The following PDE10A variants were observed in gnomAD, a reference collection of about 807,000 sequenced individuals.
The protein encoded by PDE10A is phosphodiesterase 10A, also known as cAMP and cAMP-inhibited cGMP 3',5'-cyclic phosphodiesterase 10A.
In PDE10A, 39 loss-of-function variants were observed where a neutral mutation model predicts 97.7. The observed-to-expected ratio is 0.40, with a 90% CI of 0.31 to 0.52. The LOEUF is 0.52. PDE10A is among the 20% of genes least tolerant of loss of function. PDE10A has a pLI of 0.56. For synonymous variants in PDE10A, 371 were observed against 376.8 expected (o/e 0.98, Z 0.18); for missense variants, 731 against 1,047.8 (o/e 0.70, Z 4.17).
intron 1 of PDE10A, among the ~76,000 whole-genome samples, chr6:165,767,753 C>A (rs534522552): frequency 3.9e-4 from 59 of 152,286 alleles, no homozygotes; most frequent in African/African-American, 1.3e-3. Context: ...ACATTCAAAT[C>A]CTCGTGTCTG....
intron 1 of PDE10A, among the ~76,000 whole-genome samples, chr6:165,654,064 T>A (rs996159898): frequency 1.3e-5 from 2 of 152,174 alleles, no homozygotes; most frequent in African/African-American, 2.4e-5. Flanking sequence ...ACTCTACTGG[T>A]CAACTTGCAT....
intron 1 of PDE10A, among the ~76,000 whole-genome samples, chr6:165,725,179 C>T (rs1792261455): frequency 6.6e-6 from 1 of 152,194 alleles, no homozygotes. Context: ...CTCAATAAAA[C>T]CTCACACTCA....
chr6:165,623,621 G>C (rs112517824), intron 1 of PDE10A, among the ~76,000 whole-genome samples: 20 of 152,160 alleles, frequency 1.3e-4, no homozygotes, highest in Admixed American at 3.9e-4. Flanking sequence ...CTTACTTCAG[G>C]AAAGCAGGCT....
chr6:165,896,650 G>A (rs541333803), intron 1 of PDE10A, among the ~76,000 whole-genome samples: 12 of 149,482 alleles, frequency 8.0e-5, no homozygotes, highest in South Asian at 2.1e-4. Context: ...TCAGCCTCCC[G>A]AGTAGCTGAG....
At chr6:165,647,421 G>A (rs1349376640) in intron 1 of PDE10A, among the ~76,000 whole-genome samples, 1 of 152,174 alleles carries the variant, frequency 6.6e-6, no homozygotes, top group African/African-American at 2.4e-5. Flanking sequence ...AGAGGGCAGA[G>A]GTGAATTCTT....
At position 165,751,865 on chromosome 6, in the gene PDE10A, C is replaced by T. The variant is rs188872308; in HGVS notation, c.-614-208297G>A. 3.1e-4 allele frequency among the ~76,000 whole-genome samples: 47 copies of T among 152,138 alleles called. No individual in the cohort carries two copies. The East Asian group carries it at 6.2e-3, about 20-fold the overall frequency. ...ATTGAAAGTGAGTAAATGGGCCAGG[C>T]ACGGTGGCTCATGCCTGTAATCCCA... On this transcript the variant is annotated intron_variant, in intron 1 of 19. Transcript: ENST00000366882.
At chr6:165,335,349 A>G (rs1344245293) in intron 21 of PDE10A, among the ~76,000 whole-genome samples, 1 of 152,180 alleles carries the variant, frequency 6.6e-6, no homozygotes, top group Non-Finnish European at 1.5e-5. Context: ...CTGCACAGGC[A>G]TCCTCAATAG....
chr6:165,426,328 C>T (rs1444196646), intron 10 of PDE10A, among the ~76,000 whole-genome samples: 2 of 152,224 alleles, frequency 1.3e-5, no homozygotes, highest in Admixed American at 6.5e-5. Context: ...ACTGGCATTA[C>T]CACAGACATA....
At chr6:165,710,048 A>G (rs1312537569) in intron 1 of PDE10A, among the ~76,000 whole-genome samples, 1 of 152,006 alleles carries the variant, frequency 6.6e-6, no homozygotes, top group African/African-American at 2.4e-5. Flanking sequence ...ATACCAACTC[A>G]GACCTGCCTC....
At chr6:165,617,964 T>A (rs2128405155) in intron 1 of PDE10A, among the ~76,000 whole-genome samples, 1 of 152,224 alleles carries the variant, frequency 6.6e-6, no homozygotes, top group South Asian at 2.1e-4. Context: ...AGTGGTTCAC[T>A]CCTGTAATCC....
chr6:165,751,478 C>T (rs1792999465), intron 1 of PDE10A, among the ~76,000 whole-genome samples: 1 of 152,162 alleles, frequency 6.6e-6, no homozygotes, highest in Non-Finnish European at 1.5e-5. Flanking sequence ...TCACATGCCT[C>T]CTCTCCCCTT....
intron 1 of PDE10A, among the ~76,000 whole-genome samples, chr6:165,771,334 C>T (rs1778003508): frequency 6.6e-6 from 1 of 152,138 alleles, no homozygotes; most frequent in Admixed American, 6.5e-5. Flanking sequence ...ATCAACCTCT[C>T]AACCACACAG....
At chr6:165,384,921 C>A (rs892612389) in intron 17 of PDE10A, among the ~76,000 whole-genome samples, 26 of 152,096 alleles carry the variant, frequency 1.7e-4, no homozygotes, top group African/African-American at 6.0e-4. Context: ...TTGCTTACGT[C>A]CTATCTGTCT....
intron 10 of PDE10A, among the ~76,000 whole-genome samples, chr6:165,422,431 A>G (rs1265002800): frequency 1.4e-5 from 2 of 143,842 alleles, no homozygotes; most frequent in Non-Finnish European, 3.0e-5. Flanking sequence ...ATACACACAT[A>G]CGCATACACA....
chr6:165,344,556 G>A (rs1383083826), intron 18 of PDE10A, among the ~76,000 whole-genome samples: 3 of 152,056 alleles, frequency 2.0e-5, no homozygotes, highest in Admixed American at 6.6e-5. Context: ...CCTAGCTCCC[G>A]AGCCTGTCTT....
chr6:165,519,640 A>G (rs534344994), intron 2 of PDE10A, among the ~76,000 whole-genome samples: 1 of 152,306 alleles, frequency 6.6e-6, no homozygotes, highest in East Asian at 1.9e-4. Flanking sequence ...GTTTGGCTTC[A>G]TGCTAAAAGT....
At chr6:165,672,018 G>A (rs752923665) in intron 1 of PDE10A, among the ~76,000 whole-genome samples, 9 of 152,062 alleles carry the variant, frequency 5.9e-5, no homozygotes, top group Non-Finnish European at 1.2e-4. Flanking sequence ...CTTATCTTAC[G>A]TTTTTGAAAT....
intron 1 of PDE10A, among the ~76,000 whole-genome samples, chr6:165,983,392 T>A (rs697473): frequency 6.6e-6 from 1 of 151,934 alleles, no homozygotes; most frequent in African/African-American, 2.4e-5. Context: ...CCAGAGACCA[T>A]GAGCACTCTG....
intron 2 of PDE10A, among the ~76,000 whole-genome samples, chr6:165,522,215 T>C (rs559911196): frequency 1.4e-4 from 22 of 152,152 alleles, no homozygotes; most frequent in Middle Eastern, 3.4e-3. Context: ...CTCTAACAGA[T>C]GTACAAATAA....
Sources: allele counts gnomAD v4.1 joint callset (sites outside exome capture counted in the v4.1 genomes callset), GRCh38; gene constraint gnomAD v4.1.1; transcripts MANE v1.5; gene names NCBI Gene and HGNC (gene_info 2026-07-23, HGNC 2026-07-21).